RBFOX1: variants seen among roughly 807,000 people sequenced by gnomAD.
RBFOX1 encodes RNA binding protein fox-1 homolog 1.
Under a neutral mutation model 57.7 loss-of-function variants are expected in RBFOX1, and 8 were observed. The ratio of observed to expected loss-of-function variants is 0.14; its 90% CI spans 0.08 to 0.25. RBFOX1 has a LOEUF of 0.25. RBFOX1 is among the 10% of genes least tolerant of loss of function. The pLI is 1.00. For synonymous variants in RBFOX1, 326 were observed against 222.4 expected (o/e 1.47, Z -4.15); for missense variants, 611 against 548.5 (o/e 1.11, Z -1.14).
chr16:7,096,861 G>A (rs1292624810), intron 4 of RBFOX1, among the ~76,000 whole-genome samples: 1 of 150,582 alleles, frequency 6.6e-6, no homozygotes, highest in Non-Finnish European at 1.5e-5. Flanking sequence ...GAACCCGGGA[G>A]GCGGAGGTTG....
chr16:5,863,314 C>T (rs927751956), intron 3 of RBFOX1, among the ~76,000 whole-genome samples: 1 of 152,212 alleles, frequency 6.6e-6, no homozygotes, highest in Non-Finnish European at 1.5e-5. Context: ...TTTCCCACGT[C>T]CGTTTTGCAC....
chr16:6,512,482 C>G (rs540457784), intron 2 of RBFOX1, among the ~76,000 whole-genome samples: 1 of 152,018 alleles, frequency 6.6e-6, no homozygotes, highest in South Asian at 2.1e-4. Flanking sequence ...AAGCATGGGA[C>G]AAGTCCAGCA....
At chr16:7,207,224 A>G (rs2090173503) in intron 4 of RBFOX1, among the ~76,000 whole-genome samples, 2 of 152,264 alleles carry the variant, frequency 1.3e-5, no homozygotes, top group East Asian at 1.9e-4. Context: ...ATTTTTATGT[A>G]TATGGCATCA....
chr16:5,928,868 T>A (rs2058989590), intron 4 of RBFOX1, among the ~76,000 whole-genome samples: 1 of 152,006 alleles, frequency 6.6e-6, no homozygotes, highest in Non-Finnish European at 1.5e-5. Context: ...AAAAGCCTGT[T>A]TGAACAGCCT....
At chr16:6,378,006 G>C (rs1289495921) in intron 2 of RBFOX1, among the ~76,000 whole-genome samples, 2 of 152,154 alleles carry the variant, frequency 1.3e-5, no homozygotes, top group African/African-American at 2.4e-5. Flanking sequence ...ATCCAAACGA[G>C]GTGATCTAGT....
intron 4 of RBFOX1, among the ~76,000 whole-genome samples, chr16:6,011,475 A>G (rs1730149950): frequency 6.6e-6 from 1 of 152,144 alleles, no homozygotes; most frequent in Non-Finnish European, 1.5e-5. Flanking sequence ...TTAAGTTTGT[A>G]AGCTTTGAAA....
At chr16:6,390,147 C>T (rs565234910) in intron 2 of RBFOX1, among the ~76,000 whole-genome samples, 3 of 152,186 alleles carry the variant, frequency 2.0e-5, no homozygotes, top group Non-Finnish European at 4.4e-5. Context: ...AGAAGGTTTG[C>T]AGTTATCCTT....
intron 2 of RBFOX1, among the ~76,000 whole-genome samples, chr16:6,488,946 T>A (rs1241339082): frequency 6.6e-6 from 1 of 152,184 alleles, no homozygotes; most frequent in Non-Finnish European, 1.5e-5. Flanking sequence ...ACTTCAATTA[T>A]TAAACATTTA....
rs2067920539 is a variant in RBFOX1, at chr16:5,436,443, A to G, written c.220-30773A>G. ...GTCTTCTATTCTCTAAGCTCTTTGCATTCAGGCCACATTACTAAGAAGTAC... is the reference window on the plus strand; with the variant it reads ...GTCTTCTATTCTCTAAGCTCTTTGCGTTCAGGCCACATTACTAAGAAGTAC... On this transcript the variant is annotated intron_variant, in intron 1 of 2. Transcript: ENST00000585867. Among the ~76,000 whole-genome samples, 5 of 152,324 alleles carry G rather than the reference A, an allele frequency of 3.3e-5. 1 individual carries two copies. In the South Asian group the frequency reaches 8.3e-4, roughly 25 times the overall value.
intron 3 of RBFOX1, among the ~76,000 whole-genome samples, chr16:5,819,521 C>CT (rs2055768926): frequency 6.6e-6 from 1 of 152,204 alleles, no homozygotes; most frequent in Non-Finnish European, 1.5e-5. Flanking sequence ...TTTCACTTTG[C>CT]TTGCAGGAAG....
At chr16:7,696,991 A>T (rs1317205116) in intron 14 of RBFOX1, among the ~76,000 whole-genome samples, 1 of 152,172 alleles carries the variant, frequency 6.6e-6, no homozygotes, top group African/African-American at 2.4e-5. Context: ...TCTAGGAGGT[A>T]GACAGGGGTC....
intron 4 of RBFOX1, among the ~76,000 whole-genome samples, chr16:7,457,611 T>C (rs1402206049): frequency 6.6e-6 from 1 of 152,182 alleles, no homozygotes. Flanking sequence ...TGATTGTGAA[T>C]GTTCCTTGTG....
chr16:6,772,012 A>T (rs1000618696), intron 3 of RBFOX1, among the ~76,000 whole-genome samples: 1 of 152,178 alleles, frequency 6.6e-6, no homozygotes, highest in Non-Finnish European at 1.5e-5. Flanking sequence ...TCTTTCTGCC[A>T]TTCCAGTAAA....
chr16:5,447,329 C>T (rs150182831), intron 1 of RBFOX1, among the ~76,000 whole-genome samples: 1 of 152,108 alleles, frequency 6.6e-6, no homozygotes, highest in Non-Finnish European at 1.5e-5. Flanking sequence ...TACTTACCTT[C>T]TCTGAGCCAT....
intron 2 of RBFOX1, among the ~76,000 whole-genome samples, chr16:6,455,624 G>C (rs1037449165): frequency 6.6e-6 from 1 of 152,252 alleles, no homozygotes; most frequent in Admixed American, 6.5e-5. Flanking sequence ...CTTCTTGTCC[G>C]AGGCTTACCA....
intron 1 of RBFOX1, among the ~76,000 whole-genome samples, chr16:5,376,460 A>G (rs541059559): frequency 6.6e-6 from 1 of 152,236 alleles, no homozygotes; most frequent in Admixed American, 6.5e-5. Flanking sequence ...GACCCTGCTC[A>G]CTAAGGAGGA....
intron 2 of RBFOX1, among the ~76,000 whole-genome samples, chr16:6,487,903 A>G (rs1043007868): frequency 6.6e-6 from 1 of 151,758 alleles, no homozygotes; most frequent in Non-Finnish European, 1.5e-5. Context: ...ATTAGTAGTC[A>G]AAACCAGCCG....
At chr16:5,465,715 C>G (rs987210514) in intron 1 of RBFOX1, among the ~76,000 whole-genome samples, 14 of 152,216 alleles carry the variant, frequency 9.2e-5, no homozygotes, top group African/African-American at 3.4e-4. Context: ...GCTGTTAACA[C>G]TCAGGCCTTC....
intron 3 of RBFOX1, among the ~76,000 whole-genome samples, chr16:6,675,907 T>G (rs1179972577): frequency 6.7e-6 from 1 of 148,366 alleles, no homozygotes; most frequent in African/African-American, 2.4e-5. Flanking sequence ...CCATATCACA[T>G]GGGATGTGGT....
Sources: gnomAD v4.1 joint callset for allele counts (sites outside exome capture counted in the v4.1 genomes callset) on GRCh38, gnomAD v4.1.1 for gene constraint, MANE v1.5 for transcripts, NCBI Gene and HGNC (gene_info 2026-07-23, HGNC 2026-07-21) for gene names.